TCF7: variants seen among roughly 807,000 people sequenced by gnomAD.
TCF7 encodes T-cell-factor-7.
TCF7 carries 19 observed loss-of-function variants against 46.8 expected under a neutral mutation model. The ratio of observed to expected loss-of-function variants is 0.41; its 90% confidence interval spans 0.28 to 0.60. TCF7 has a LOEUF of 0.60. Ranked by LOEUF, TCF7 falls within the 20% of genes least tolerant of loss-of-function variation. The probability of loss-of-function intolerance (pLI) is 0.35; values close to 1 mark genes in which losing one functional copy is unlikely to be tolerated. For missense variants in TCF7, 547 were observed against 504.6 expected, an observed-to-expected ratio of 1.08 and a Z score of -0.81; for synonymous variants, 245 against 213.4, an observed-to-expected ratio of 1.15 and a Z score of -1.29.
chr5:134,145,258 A>G (rs1347856491), intron 9 of TCF7: 2 of 547,152 alleles, frequency 3.7e-6, no homozygotes, highest in Non-Finnish European at 7.2e-6. Flanking sequence ...TTCCTCTTCA[A>G]GATGGGATCC....
chr5:134,115,009 G>A lies in TCF7; in HGVS notation c.103G>A (p.Asp35Asn). 8.0e-7 allele frequency: 1 copy of A among 1,254,154 alleles called. No homozygotes were observed. Among genetic ancestry groups the A allele is most frequent in the Non-Finnish European group, 1.0e-6 (1 of 974,600 alleles). The allele number at this position is 1,254,154 out of a possible 1,614,324, so 77.7% of individuals were successfully genotyped here. The change falls in exon 1 of 10, where the codon GAC (aspartate) becomes AAC (asparagine). Residue 35 changes from aspartate (D) to asparagine (N), a missense_variant. By Grantham distance (23) the Asp-to-Asn change is conservative. Around this residue, in one of 3 missense-constraint regions of TCF7, gnomAD observed 425 missense variants for 349.9 expected, o/e 1.21. Coordinates refer to ENST00000342854, the MANE Select transcript of TCF7 (RefSeq NM_003202.5). ...CCAGGATGAAGGCGAGGAGCAGGAC[G>A]ACAAGAGCCGCGACAGCGCCGCCGG... ...AFQDEGEEQDDKSRDSAAGPE... is the reference protein window; with the variant it reads ...AFQDEGEEQDNKSRDSAAGPE...
chr5:134,131,593 G>A (rs567699460), intron 3 of TCF7, among the ~76,000 whole-genome samples: 2 of 152,310 alleles, frequency 1.3e-5, no homozygotes, highest in Admixed American at 6.5e-5. Context: ...GCTGAGGAGG[G>A]AGGCATGCAC....
At chr5:134,129,249 C>T (rs768122938) in intron 3 of TCF7, among the ~76,000 whole-genome samples, 32 of 152,226 alleles carry the variant, frequency 2.1e-4, no homozygotes, top group Non-Finnish European at 3.7e-4. Context: ...TTGGCTGTTA[C>T]TAGTGGGGGC....
chr5:134,121,283 CAAA>C (rs879401476), intron 3 of TCF7, among the ~76,000 whole-genome samples: 2 of 138,050 alleles, frequency 1.4e-5, no homozygotes, highest in African/African-American at 5.3e-5. Flanking sequence ...TGTTTTGTTT[CAAA>C]AAAAAAAAAA....
intron 3 of TCF7, chr5:134,123,692 T>C: frequency 2.2e-6 from 1 of 456,202 alleles, no homozygotes; most frequent in Non-Finnish European, 4.4e-6. Context: ...ACCTTGGTGC[T>C]GGGGCAGCGC....
chr5:134,117,256 G>A (rs188385284), intron 3 of TCF7, among the ~76,000 whole-genome samples: 6 of 152,336 alleles, frequency 3.9e-5, no homozygotes, highest in Non-Finnish European at 7.4e-5. Flanking sequence ...TTCCTTCCAA[G>A]TCTGTGAGAT....
At chr5:134,113,301 C>T (rs1393352966), upstream of TCF7, among the ~76,000 whole-genome samples, 1 of 152,174 alleles carries the variant, frequency 6.6e-6, no homozygotes, top group Non-Finnish European at 1.5e-5. Flanking sequence ...GCACCCTAGC[C>T]CGGAGGTGGC....
At chr5:134,130,867 C>T (rs748909210) in intron 3 of TCF7, among the ~76,000 whole-genome samples, 1 of 152,150 alleles carries the variant, frequency 6.6e-6, no homozygotes, top group East Asian at 1.9e-4. Flanking sequence ...GGGCCCAGCT[C>T]TAATACATTC....
chr5:134,114,912 G>T lies in TCF7; in HGVS notation c.6G>T (p.Pro2=), dbSNP rs1237270944. The part of the protein sequence containing the change: M[P]QLDSGGGGAG... ...CCCGGCGGGCGGAGCGCACCATGCC[G>T]CAGCTGGACTCCGGCGGGGGCGGCG... Residue 2 remains proline, a synonymous_variant, in exon 1 of 10, where the codon CCG becomes CCT. Coordinates refer to ENST00000342854, the MANE Select transcript of TCF7 (RefSeq NM_003202.5). The T allele has an allele frequency of 1.7e-5, 17 of 1,024,096 alleles. No individual in the cohort carries two copies. The highest frequency in any genetic ancestry group is 3.5e-5 in the African/African-American group (2 of 57,454). 63.4% of individuals were successfully genotyped at this position (1,024,096 alleles called of 1,614,324 possible). A position where few individuals can be genotyped will look rare whatever the true frequency, so the allele number is the denominator to read the frequency against.
At chr5:134,136,181 G>A (rs1417753605) in intron 3 of TCF7, among the ~76,000 whole-genome samples, 8 of 152,144 alleles carry the variant, frequency 5.3e-5, no homozygotes, top group Admixed American at 5.2e-4. Flanking sequence ...TTAGAGATGG[G>A]AGAAATGGCA....
upstream of TCF7, among the ~76,000 whole-genome samples, chr5:134,113,788 C>G (rs1393117410): frequency 6.6e-6 from 1 of 152,226 alleles, no homozygotes; most frequent in Non-Finnish European, 1.5e-5. Context: ...CAGCCTGGAT[C>G]GAGCGAGGGT....
chr5:134,115,764 A>T, intron 2 of TCF7, 145 bp from the exon 3 acceptor site: 1 of 1,473,534 alleles, frequency 6.8e-7, no homozygotes, highest in Non-Finnish European at 9.0e-7. Flanking sequence ...AAAACTTGGC[A>T]CTGCCGATAC....
intron 8 of TCF7, 130 bp from the exon 9 acceptor site, chr5:134,143,462 A>G (rs766235883): frequency 4.6e-6 from 5 of 1,093,806 alleles, no homozygotes; most frequent in Non-Finnish European, 7.0e-6. Context: ...CAATCAAGAA[A>G]CACCAGCACC....
At chr5:134,133,302 G>A (rs775903081) in intron 3 of TCF7, among the ~76,000 whole-genome samples, 3 of 152,210 alleles carry the variant, frequency 2.0e-5, no homozygotes, top group African/African-American at 7.2e-5. Context: ...TGCCCTCAGA[G>A]GATGAGGGCA....
At chr5:134,140,621 A>G (rs1759599175) in intron 5 of TCF7, 2 of 355,980 alleles carry the variant, frequency 5.6e-6, no homozygotes, top group East Asian at 1.7e-4. Flanking sequence ...AAGCACCCAT[A>G]CAAGTTTATA....
intron 5 of TCF7, chr5:134,141,941 A>C (rs1759845697): frequency 4.9e-6 from 2 of 411,576 alleles, no homozygotes; most frequent in African/African-American, 4.0e-5. Context: ...TTCAAAAGCT[A>C]CTTGGGACCT....
In TCF7 at chr5:134,116,027, C is replaced by T. The variant is rs755945967; in HGVS notation, c.435C>T (p.Pro145=). ...SGAGQHPQPQ[P]PLHKANQPPH... ...CAGGGCAGCACCCCCAGCCGCAGCCCCCGCTGGTAAGTGGACCCCGCAGCC... is the reference window on the plus strand; with the variant it reads ...CAGGGCAGCACCCCCAGCCGCAGCCTCCGCTGGTAAGTGGACCCCGCAGCC... The change falls in exon 3 of 10, where the codon CCC becomes CCT. Residue 145 remains proline (P), a synonymous_variant. Transcript: ENST00000342854. 3 of 1,612,138 alleles carry T rather than the reference C, an allele frequency of 1.9e-6. No homozygotes were observed. Among genetic ancestry groups the T allele is most frequent in the Non-Finnish European group, 2.5e-6 (3 of 1,179,312 alleles).
In TCF7 at chr5:134,146,216, A is replaced by G. The variant is rs774858813; in HGVS notation, c.1076-8A>G. The stretch of plus-strand genomic sequence containing the variant: ...CTGTTTACAGATAACTCTCTTCACT[A>G]TTCCTAGGAGGAAAAAGAAATGCAT... On this transcript the variant is annotated splice_polypyrimidine_tract_variant and splice_region_variant and intron_variant, in intron 9 of 9. Transcript: ENST00000342854. The G allele has an allele frequency of 6.2e-7, 1 of 1,614,180 alleles. No homozygotes were observed. Among genetic ancestry groups the G allele is most frequent in the Admixed American group, 1.7e-5 (1 of 60,028 alleles).
chr5:134,143,602 A>G lies in TCF7; in HGVS notation c.1037A>G (p.Lys346Arg), dbSNP rs369986201. The change falls in exon 9 of 10, where the codon AAG (lysine) becomes AGG (arginine). Residue 346 changes from lysine to arginine, a missense_variant. Physicochemically the swap from Lys to Arg is conservative, Grantham distance 26. Transcript: ENST00000342854. ...WSARDNYGKKKRRSREKHQES... is the reference protein window; with the variant it reads ...WSARDNYGKKRRRSREKHQES... ...TTTTGTTCCCTGCAGGGGAAGAAGA[A>G]GAGGCGGTCGAGGGAAAAGCACCAA... is the stretch of plus-strand genomic sequence containing the variant. The G allele has an allele frequency of 4.3e-6, 7 of 1,614,130 alleles. No individual in the cohort carries two copies. The highest frequency in any genetic ancestry group is 1.1e-5 in the South Asian group (1 of 91,084).
Sources: gnomAD v4.1 joint callset for allele counts (sites outside exome capture counted in the v4.1 genomes callset) on GRCh38, gnomAD v4.1.1 for gene constraint, gnomAD v4.1.1 regional missense constraint, MANE v1.5 for transcripts, NCBI Gene and HGNC (gene_info 2026-07-23, HGNC 2026-07-21) for gene names.